ELAVL2: variants seen among roughly 807,000 people sequenced by gnomAD.
The protein encoded by ELAVL2 is ELAV-like protein 2.
ELAVL2 carries 4 observed loss-of-function variants against 34.6 expected under a neutral mutation model. That is an observed-to-expected ratio of 0.12 (90% CI 0.06 to 0.26). The LOEUF (loss-of-function observed/expected upper bound fraction) is 0.26. ELAVL2 is among the 10% of genes least tolerant of loss of function. The pLI is 1.00. For synonymous variants in ELAVL2, 193 were observed against 154.8 expected (o/e 1.25, Z -1.83); for missense variants, 432 against 442.8 (o/e 0.98, Z 0.22).
intron 2 of ELAVL2, among the ~76,000 whole-genome samples, chr9:23,746,328 C>T (rs1412151487): frequency 6.6e-6 from 1 of 152,038 alleles, no homozygotes; most frequent in Non-Finnish European, 1.5e-5. Flanking sequence ...TTAAAAAACA[C>T]TGATAGAAAA....
chr9:23,721,347 A>T (rs2134088276), intron 3 of ELAVL2, among the ~76,000 whole-genome samples: 1 of 152,322 alleles, frequency 6.6e-6, no homozygotes, highest in East Asian at 1.9e-4. Flanking sequence ...GAATATGGTT[A>T]TTTGGTTAAG....
At chr9:23,752,746 T>C (rs760943507) in intron 2 of ELAVL2, among the ~76,000 whole-genome samples, 6 of 152,156 alleles carry the variant, frequency 3.9e-5, no homozygotes, top group Admixed American at 6.6e-5. Context: ...TGAGCCACCA[T>C]ACCCAGCCAA....
intron 2 of ELAVL2, among the ~76,000 whole-genome samples, chr9:23,749,075 TACTGTGAATGTGCTTAATGTCACTGA>T (rs2051240608): frequency 1.3e-5 from 2 of 152,142 alleles, no homozygotes; most frequent in Non-Finnish European, 2.9e-5. Context: ...GGCTGCATAA[TACTGTGAATGTGCTTAATGTCACTGA>T]ACTGTAAACT....
At chr9:23,732,689 GC>G (rs2046875931) in intron 2 of ELAVL2, among the ~76,000 whole-genome samples, 1 of 152,152 alleles carries the variant, frequency 6.6e-6, no homozygotes, top group Admixed American at 6.5e-5. Flanking sequence ...CAAGGAACCA[GC>G]TTATAGTGGA....
intron 2 of ELAVL2, among the ~76,000 whole-genome samples, chr9:23,745,225 A>G (rs1307644814): frequency 6.6e-6 from 1 of 152,118 alleles, no homozygotes; most frequent in Non-Finnish European, 1.5e-5. Context: ...AATAAAATAC[A>G]AATCAAATAA....
At chr9:23,741,778 TTC>T (rs3030543) in intron 2 of ELAVL2, among the ~76,000 whole-genome samples, 50,493 of 151,772 alleles carry the variant, frequency 0.33, 8,825 homozygotes, top group African/African-American at 0.43. Flanking sequence ...TCCCATACCT[TTC>T]TCCCTTTGAA....
intron 1 of ELAVL2, among the ~76,000 whole-genome samples, chr9:23,769,987 G>A (rs190826788): frequency 7.9e-5 from 12 of 152,228 alleles, no homozygotes; most frequent in Admixed American, 2.6e-4. Context: ...TTTGAGCAAT[G>A]GGAAAGTAAA....
chr9:23,837,161 T>A, the ELAVL2 span, among the ~76,000 whole-genome samples: 296 of 152,254 alleles, frequency 1.9e-3, 4 homozygotes, highest in African/African-American at 6.7e-3. Flanking sequence ...CATATAATGT[T>A]TCTGAGCCAA....
chr9:23,813,297 C>G (rs2063262482), intron 1 of ELAVL2, among the ~76,000 whole-genome samples: 2 of 152,122 alleles, frequency 1.3e-5, no homozygotes, highest in Admixed American at 6.5e-5. Context: ...CTTGCTAAGG[C>G]TGCCCTGCTG....
At chr9:23,827,636 C>A (rs1468891720), upstream of ELAVL2, among the ~76,000 whole-genome samples, 1 of 152,048 alleles carries the variant, frequency 6.6e-6, no homozygotes, top group Admixed American at 6.6e-5. Flanking sequence ...TACAACTAGT[C>A]GCTATCTTTG....
At chr9:23,819,444 A>G (rs1317186438) in intron 1 of ELAVL2, among the ~76,000 whole-genome samples, 1 of 152,200 alleles carries the variant, frequency 6.6e-6, no homozygotes, top group South Asian at 2.1e-4. Context: ...AAAGAGTGGT[A>G]GACACTGACC....
At chr9:23,814,044 G>A (rs2063380924) in intron 1 of ELAVL2, among the ~76,000 whole-genome samples, 1 of 152,100 alleles carries the variant, frequency 6.6e-6, no homozygotes, top group Non-Finnish European at 1.5e-5. Flanking sequence ...AAGTTTTCAA[G>A]AAGCAATACA....
chr9:23,731,647 T>C (rs75286194), intron 2 of ELAVL2, among the ~76,000 whole-genome samples: 2,238 of 152,268 alleles, frequency 0.015, 54 homozygotes, highest in African/African-American at 0.052. Context: ...CGTGTATACA[T>C]GTAAGTTTAT....
intron 1 of ELAVL2, among the ~76,000 whole-genome samples, chr9:23,816,285 T>C (rs2063690821): frequency 1.2e-5 from 1 of 86,480 alleles, no homozygotes; most frequent in Non-Finnish European, 2.2e-5. Context: ...GAGATGAAAT[T>C]AGTCAAGAAA....
the ELAVL2 span, among the ~76,000 whole-genome samples, chr9:23,842,247 C>G: frequency 2.3e-4 from 35 of 152,232 alleles, no homozygotes; most frequent in East Asian, 6.4e-3. Context: ...GCTGTTGACT[C>G]TGACATTTTT....
At chr9:23,810,506 T>C (rs1339454652) in intron 1 of ELAVL2, among the ~76,000 whole-genome samples, 1 of 152,192 alleles carries the variant, frequency 6.6e-6, no homozygotes. Flanking sequence ...ATACAATTGC[T>C]GCTGGAGTCA....
At chr9:23,800,405 A>C (rs1247337789) in intron 1 of ELAVL2, among the ~76,000 whole-genome samples, 1 of 152,190 alleles carries the variant, frequency 6.6e-6, no homozygotes, top group Non-Finnish European at 1.5e-5. Context: ...GGTAGTGCCC[A>C]AGAGCAGCTC....
intron 2 of ELAVL2, among the ~76,000 whole-genome samples, chr9:23,757,740 C>T (rs527947414): frequency 1.3e-5 from 2 of 151,932 alleles, no homozygotes; most frequent in South Asian, 2.1e-4. Context: ...CCCAAAGAGA[C>T]GGACCTGACA....
At chr9:23,766,397 G>T (rs983151824) in intron 1 of ELAVL2, among the ~76,000 whole-genome samples, 4 of 152,112 alleles carry the variant, frequency 2.6e-5, no homozygotes, top group Non-Finnish European at 5.9e-5. Context: ...AAGACTACAT[G>T]AGCAGGACCA....
Sources: allele counts gnomAD v4.1 joint callset (sites outside exome capture counted in the v4.1 genomes callset), GRCh38; gene constraint gnomAD v4.1.1; transcripts MANE v1.5; gene names NCBI Gene and HGNC (gene_info 2026-07-23, HGNC 2026-07-21).